RCC1: variants seen among roughly 807,000 people sequenced by gnomAD.
The protein encoded by RCC1 is regulator of chromosome condensation 1, also known as regulator of chromosome condensation.
A neutral mutation model predicts 44.4 loss-of-function variants in RCC1; 11 were observed. The ratio of observed to expected loss-of-function variants is 0.25; its 90% CI spans 0.16 to 0.41. The LOEUF is 0.41. Ranked by LOEUF, RCC1 falls within the 10% of genes least tolerant of loss-of-function variation. The probability of loss-of-function intolerance (pLI) is 1.00; values close to 1 mark genes in which losing one functional copy is unlikely to be tolerated. For missense variants in RCC1, 386 were observed against 547.1 expected, an observed-to-expected ratio of 0.71 and a Z score of 2.94; for synonymous variants, 213 against 216.5, an observed-to-expected ratio of 0.98 and a Z score of 0.14.
Position 28,536,921 on chromosome 1 carries a change from C to CTT in RCC1, c.1090+23_1090+24insTT. The CTT allele has an allele frequency of 6.2e-7, 1 of 1,613,498 alleles. No homozygotes were observed. Among genetic ancestry groups the CTT allele is most frequent in the Non-Finnish European group, 8.5e-7 (1 of 1,179,734 alleles). On this transcript the variant is annotated intron_variant, in intron 12 of 12. Transcript: ENST00000683442. This position sits in a 1 kb window ranked among gnomAD's most constrained non-coding sequence, Gnocchi z 4.9. ...GATGGTGAGTGGGGCTGCCTACACT[C>CTT]TGTCTAGTTGGGACCTGGGGGTCAT... is the stretch of plus-strand genomic sequence containing the variant.
intron 5 of RCC1, 25 bp downstream of exon 5, chr1:28,529,964 G>C: frequency 1.3e-6 from 2 of 1,590,458 alleles, no homozygotes; most frequent in Non-Finnish European, 1.7e-6. Flanking sequence ...GCCTCTTTGT[G>C]GGTACAGGTG....
intron 12 of RCC1, 124 bp downstream of exon 12, chr1:28,537,023 T>A: frequency 9.8e-7 from 1 of 1,022,370 alleles, no homozygotes. Context: ...GTGTTTGTGA[T>A]GGCACTTTGT....
chr1:28,506,139 C>G lies in RCC1; in HGVS notation c.-262+55C>G. The G allele has an allele frequency of 8.8e-6, 4 of 453,658 alleles. No individual in the cohort carries two copies. The Admixed American group carries it at 9.5e-5, about 11-fold the overall frequency. 28.1% of individuals were successfully genotyped at this position (453,658 alleles called of 1,614,324 possible). A position where few individuals can be genotyped will look rare whatever the true frequency, so the allele number is the denominator to read the frequency against. The stretch of plus-strand genomic sequence containing the variant: ...GATGCTTGCCACCGGAGTTGTGGGT[C>G]TAATGCTATAGATCAGTAGCCGAGC... On this transcript the variant is annotated intron_variant, in intron 1 of 12. Coordinates refer to ENST00000683442, the MANE Select transcript of RCC1 (RefSeq NM_001381865.2).
chr1:28,537,516 T>C (rs1178871216), intron 12 of RCC1, among the ~76,000 whole-genome samples: 1 of 152,186 alleles, frequency 6.6e-6, no homozygotes, highest in Admixed American at 6.5e-5. Context: ...AAGAATGCCA[T>C]TCCAGGCAGA....
At chr1:28,518,273 G>A (rs1049409135) in intron 4 of RCC1, 7 of 152,366 alleles carry the variant, frequency 4.6e-5, no homozygotes, top group Non-Finnish European at 1.0e-4. Context: ...GCCCGGCGGG[G>A]AGCGCCGGAG....
intron 5 of RCC1, chr1:28,530,480 G>C (rs770602726): frequency 6.5e-7 from 1 of 1,545,524 alleles, no homozygotes; most frequent in Non-Finnish European, 8.8e-7. Flanking sequence ...AAACTGGGAG[G>C]GGAAGTGTGG....
chr1:28,508,768 A>G, intron 2 of RCC1, 62 bp from the exon 3 acceptor site: 2 of 519,020 alleles, frequency 3.9e-6, no homozygotes, highest in Non-Finnish European at 3.8e-6. Context: ...CATATCTAGT[A>G]TACTAGATTT....
rs747314809 is a variant in RCC1, at chr1:28,538,023, C to G, written c.*16C>G. 3.6e-5 allele frequency: 58 copies of G among 1,608,020 alleles called. No homozygotes were observed. Among genetic ancestry groups the G allele is most frequent in the Non-Finnish European group, 4.8e-5 (57 of 1,177,146 alleles). ...ACAGAGCTGATGAAGCCTCTGAGGGCCTGGCTTCTGTCCTGCACAACCTCC... is the reference window on the plus strand; with the variant it reads ...ACAGAGCTGATGAAGCCTCTGAGGGGCTGGCTTCTGTCCTGCACAACCTCC... On this transcript the variant is annotated 3_prime_UTR_variant, in exon 13 of 13. Transcript: ENST00000683442.
At chr1:28,513,006 C>G (rs1343162338) in intron 3 of RCC1, among the ~76,000 whole-genome samples, 2 of 151,806 alleles carry the variant, frequency 1.3e-5, no homozygotes, top group Non-Finnish European at 2.9e-5. Flanking sequence ...ATCTCCTGAC[C>G]TTGTGATCCA....
chr1:28,537,980 A>G lies in RCC1; in HGVS notation c.1239A>G (p.Leu413=). The change falls in exon 13 of 13, where the codon TTA becomes TTG. Residue 413 remains leucine (L), a synonymous_variant. Transcript: ENST00000683442. ...CCAGCGGGGGCCAGCATACAGTCTT[A>G]TTAGTCAAGGACAAAGAACAGAGCT... is the stretch of plus-strand genomic sequence containing the variant. ...SVSSGGQHTV[L]LVKDKEQS 6.2e-7 allele frequency: 1 copy of G among 1,613,880 alleles called. No homozygotes were observed. The highest frequency in any genetic ancestry group is 1.1e-5 in the South Asian group (1 of 90,982).
At chr1:28,519,182 A>G (rs888069668) in intron 4 of RCC1, among the ~76,000 whole-genome samples, 3 of 152,166 alleles carry the variant, frequency 2.0e-5, no homozygotes, top group Non-Finnish European at 4.4e-5. Flanking sequence ...AGGGTGATAC[A>G]GGCAGAGGGA....
intron 3 of RCC1, among the ~76,000 whole-genome samples, chr1:28,513,586 T>C (rs930564527): frequency 1.4e-5 from 2 of 144,926 alleles, no homozygotes; most frequent in Admixed American, 6.9e-5. Flanking sequence ...GGCTATTTAC[T>C]TTTTTTTTTT....
chr1:28,512,018 A>G lies in RCC1; in HGVS notation c.-153+3113A>G, dbSNP rs1243098291. On this transcript the variant is annotated intron_variant, in intron 3 of 12. Coordinates refer to ENST00000683442, the MANE Select transcript of RCC1 (RefSeq NM_001381865.2). ...TTTTGAGATGGAGTCTTTGCCTCCC[A>G]GGCTGGAGTGCAGTGGCGTGATCTC... 5.7e-5 allele frequency among the ~76,000 whole-genome samples: 7 copies of G among 122,952 alleles called. No individual in the cohort carries two copies. The Admixed American group carries it at 6.0e-4, about 10-fold the overall frequency. 80.7% of individuals were successfully genotyped at this position (122,952 alleles called of 152,430 possible).
chr1:28,515,311 A>G (rs530411920), intron 3 of RCC1, among the ~76,000 whole-genome samples: 2 of 151,868 alleles, frequency 1.3e-5, no homozygotes, highest in African/African-American at 4.8e-5. Context: ...TTAGCTGGGC[A>G]TGGTGGTGCA....
At chr1:28,511,838 A>G (rs967633072) in intron 3 of RCC1, among the ~76,000 whole-genome samples, 32 of 144,000 alleles carry the variant, frequency 2.2e-4, no homozygotes, top group Non-Finnish European at 4.7e-4. Flanking sequence ...TTTTTTTTGC[A>G]TTTTTTAGTA....
intron 4 of RCC1, among the ~76,000 whole-genome samples, chr1:28,528,348 C>T (rs1383139508): frequency 2.6e-5 from 4 of 152,100 alleles, no homozygotes; most frequent in Admixed American, 6.6e-5. Flanking sequence ...CCCAGCTACT[C>T]GAGAGGCTGA....
intron 12 of RCC1, among the ~76,000 whole-genome samples, chr1:28,537,577 G>C (rs1664631115): frequency 6.6e-6 from 1 of 152,176 alleles, no homozygotes; most frequent in Non-Finnish European, 1.5e-5. Context: ...CAGAGGGTGG[G>C]GTAGGACCTT....
At chr1:28,530,610 G>C (rs780561548) in intron 5 of RCC1, 8 of 1,603,308 alleles carry the variant, frequency 5.0e-6, no homozygotes, top group Middle Eastern at 1.7e-4. Context: ...CAGAAAACCC[G>C]ACCAGGTGGC....
At position 28,516,885 on chromosome 1, in the gene RCC1, CAG is replaced by C. The variant is rs1403537002; in HGVS notation, c.-10+19_-10+20del. The C allele has an allele frequency of 6.6e-6, 3 of 456,250 alleles. No individual in the cohort carries two copies. Among genetic ancestry groups the C allele is most frequent in the Admixed American group, 2.4e-5 (1 of 42,500 alleles). The allele number at this position is 456,250 out of a possible 1,614,324, so 28.3% of individuals were successfully genotyped here. On this transcript the variant is annotated intron_variant, in intron 4 of 12. Transcript: ENST00000683442. The stretch of plus-strand genomic sequence containing the variant: ...TTGGAGAGGTAAGAAACCCTGAAGA[CAG>C]GGGAGTGCTTTGTGGCAGGCTCTGC...
Sources: gnomAD v4.1 joint callset for allele counts (sites outside exome capture counted in the v4.1 genomes callset) on GRCh38, gnomAD v4.1.1 for gene constraint, Gnocchi (gnomAD v3.1) non-coding constraint, MANE v1.5 for transcripts, NCBI Gene and HGNC (gene_info 2026-07-23, HGNC 2026-07-21) for gene names.